Variants in ARFGEF3 observed in about 807,000 individuals in gnomAD.
ARFGEF3 encodes ARFGEF family member 3, also known as brefeldin A-inhibited guanine nucleotide-exchange protein 3.
A neutral mutation model predicts 221.7 loss-of-function variants in ARFGEF3; 96 were observed. That is an observed-to-expected ratio of 0.43 (90% confidence interval 0.37 to 0.51). The LOEUF is 0.51. Ranked by LOEUF, ARFGEF3 falls within the 20% of genes least tolerant of loss-of-function variation. The probability of loss-of-function intolerance (pLI) is 0.00; values close to 1 mark genes in which losing one functional copy is unlikely to be tolerated. For synonymous variants in ARFGEF3, 1,145 were observed against 1,126.8 expected, an observed-to-expected ratio of 1.02 and a Z score of -0.32; for missense variants, 2,410 against 2,789.9, an observed-to-expected ratio of 0.86 and a Z score of 3.07.
intron 3 of ARFGEF3, among the ~76,000 whole-genome samples, chr6:138,209,239 C>A (rs1777676695): frequency 6.6e-6 from 1 of 152,118 alleles, no homozygotes; most frequent in Non-Finnish European, 1.5e-5. Context: ...ACAAGACCTT[C>A]TTTCCTGTGA....
chr6:138,298,826 C>T, intron 22 of ARFGEF3, 41 bp downstream of exon 22: 10 of 1,517,926 alleles, frequency 6.6e-6, no homozygotes. Flanking sequence ...CTGGCTCTTA[C>T]TGAGTGCAGT....
At chr6:138,228,152 A>T (rs1423552668) in intron 4 of ARFGEF3, among the ~76,000 whole-genome samples, 35 of 150,142 alleles carry the variant, frequency 2.3e-4, no homozygotes, top group Admixed American at 2.3e-3. Context: ...CTTTTTCTCA[A>T]TCGCCATGGC....
rs186676165 is a variant in ARFGEF3 at position 138,192,442 on chromosome 6, G to A, written c.138-14600G>A. Among the ~76,000 whole-genome samples, 9 of 152,218 alleles carry A rather than the reference G, an allele frequency of 5.9e-5. No homozygotes were observed. In the East Asian group the frequency reaches 1.4e-3, roughly 23 times the overall value. ...GTGGAGGTTGCAGTGAGCCAAGATC[G>A]CACCATTGCACTCCAGCCTGGGCAA... is the stretch of plus-strand genomic sequence containing the variant. On this transcript the variant is annotated intron_variant, in intron 2 of 33. Transcript: ENST00000251691.
At chr6:138,317,823 G>A (rs551620714) in intron 27 of ARFGEF3, among the ~76,000 whole-genome samples, 6 of 152,266 alleles carry the variant, frequency 3.9e-5, no homozygotes, top group African/African-American at 7.2e-5. Flanking sequence ...CGGTATTAAG[G>A]CAGCAACACC....
intron 31 of ARFGEF3, among the ~76,000 whole-genome samples, chr6:138,326,724 C>T (rs138438557): frequency 4.8e-4 from 73 of 152,262 alleles, no homozygotes; most frequent in African/African-American, 1.6e-3. Flanking sequence ...GACCCAGAGG[C>T]AGAAATATCA....
chr6:138,297,662 G>T (rs575699063), intron 21 of ARFGEF3, among the ~76,000 whole-genome samples: 2 of 152,252 alleles, frequency 1.3e-5, no homozygotes, highest in Admixed American at 1.3e-4. Context: ...GTAGAAAATA[G>T]CAATGTAGTC....
intron 2 of ARFGEF3, among the ~76,000 whole-genome samples, chr6:138,186,794 AT>A (rs1300354874): frequency 2.6e-5 from 4 of 152,102 alleles, no homozygotes; most frequent in East Asian, 1.9e-4. Flanking sequence ...CTGAGCCAGG[AT>A]AAAAGAAAAG....
Position 138,330,588 on chromosome 6 carries a change from T to TG in ARFGEF3, c.5123+2447dup, listed in dbSNP as rs1420996636. Among the ~76,000 whole-genome samples the TG allele has an allele frequency of 2.0e-5, 3 of 152,274 alleles. No homozygotes were observed. In the East Asian group the frequency reaches 5.8e-4, roughly 29 times the overall value. On this transcript the variant is annotated intron_variant, in intron 32 of 33. Transcript: ENST00000251691. ...AGGAGGCTGAGGCAGGAGAATCGCTTGAACCCAGGAGGCAGAGGTTGCAGT... is the reference window on the plus strand; with the variant it reads ...AGGAGGCTGAGGCAGGAGAATCGCTTGGAACCCAGGAGGCAGAGGTTGCAGT...
intron 8 of ARFGEF3, among the ~76,000 whole-genome samples, chr6:138,246,379 C>T (rs1778487706): frequency 6.6e-6 from 1 of 152,194 alleles, no homozygotes; most frequent in South Asian, 2.1e-4. Flanking sequence ...GCAGAAAACT[C>T]ACTTGTTGAA....
At chr6:138,226,016 A>G (rs1474612440) in intron 4 of ARFGEF3, among the ~76,000 whole-genome samples, 1 of 152,216 alleles carries the variant, frequency 6.6e-6, no homozygotes, top group Admixed American at 6.5e-5. Flanking sequence ...AAAGTCACAC[A>G]CCAATTAAAC....
chr6:138,253,819 T>A, intron 8 of ARFGEF3, 61 bp from the exon 9 acceptor site: 1 of 1,324,092 alleles, frequency 7.6e-7, no homozygotes, highest in Non-Finnish European at 1.1e-6. Context: ...TTTCCACACA[T>A]CACCTCTTTA....
intron 31 of ARFGEF3, among the ~76,000 whole-genome samples, chr6:138,327,202 G>C (rs1780140788): frequency 6.6e-6 from 1 of 152,134 alleles, no homozygotes; most frequent in Non-Finnish European, 1.5e-5. Flanking sequence ...AAGCCACCAT[G>C]ACACATGTTT....
intron 4 of ARFGEF3, among the ~76,000 whole-genome samples, chr6:138,228,969 G>C (rs1324279081): frequency 6.6e-6 from 1 of 152,234 alleles, no homozygotes; most frequent in African/African-American, 2.4e-5. Context: ...TTGAGAAGCA[G>C]TTCTTAAAAT....
chr6:138,191,239 C>G (rs544907539), intron 2 of ARFGEF3, among the ~76,000 whole-genome samples: 1 of 152,026 alleles, frequency 6.6e-6, no homozygotes, highest in Non-Finnish European at 1.5e-5. Flanking sequence ...AGTTAGGTGA[C>G]GTGGGACAAG....
chr6:138,261,697 C>A, intron 11 of ARFGEF3, 58 bp downstream of exon 11: 2 of 1,008,232 alleles, frequency 2.0e-6, no homozygotes, highest in Non-Finnish European at 2.8e-6. Flanking sequence ...GACTTTTAAC[C>A]TTGCTTACAA....
intron 22 of ARFGEF3, among the ~76,000 whole-genome samples, chr6:138,300,858 C>CG (rs1779617148): frequency 6.6e-6 from 1 of 152,156 alleles, no homozygotes; most frequent in Non-Finnish European, 1.5e-5. Context: ...TAATCCCAAT[C>CG]CCTGACATGA....
chr6:138,272,917 TTCA>T (rs1779031115), intron 12 of ARFGEF3, among the ~76,000 whole-genome samples: 1 of 152,228 alleles, frequency 6.6e-6, no homozygotes, highest in African/African-American at 2.4e-5. Context: ...TAACATTAAT[TTCA>T]TCATTTCAGT....
intron 8 of ARFGEF3, 45 bp from the exon 9 acceptor site, chr6:138,253,835 G>T: frequency 6.9e-7 from 1 of 1,448,140 alleles, no homozygotes. Context: ...CTTTAATTTT[G>T]CCTTGTCTTT....
chr6:138,327,303 T>C (rs1780143574), intron 31 of ARFGEF3, among the ~76,000 whole-genome samples: 1 of 149,796 alleles, frequency 6.7e-6, no homozygotes, highest in South Asian at 2.1e-4. Context: ...TAGCTGGGCA[T>C]AGTGGTGCAC....
Sources: allele counts gnomAD v4.1 joint callset (sites outside exome capture counted in the v4.1 genomes callset), GRCh38; gene constraint gnomAD v4.1.1; transcripts MANE v1.5; gene names NCBI Gene and HGNC (gene_info 2026-07-23, HGNC 2026-07-21).